The following C8orf34 variants were observed in gnomAD, a reference collection of about 807,000 sequenced individuals.
C8orf34 encodes chromosome 8 open reading frame 34.
Under a neutral mutation model 68.3 loss-of-function variants are expected in C8orf34, and 65 were observed. That is an observed-to-expected ratio of 0.95 (90% CI 0.78 to 1.17). The LOEUF (loss-of-function observed/expected upper bound fraction) is 1.17. C8orf34 is among the 50% of genes most tolerant of loss of function. C8orf34 has a pLI of 0.00. For missense variants in C8orf34, 664 were observed against 655.4 expected, an observed-to-expected ratio of 1.01 and a Z score of -0.14; for synonymous variants, 244 against 241.2, an observed-to-expected ratio of 1.01 and a Z score of -0.11.
chr8:68,535,699 C>T (rs1245619189), intron 7 of C8orf34: 1 of 814,692 alleles, frequency 1.2e-6, no homozygotes, highest in South Asian at 5.7e-5. Context: ...TATAGTACAA[C>T]ACCTGTAATT....
intron 5 of C8orf34, among the ~76,000 whole-genome samples, chr8:68,489,148 T>C (rs1813203888): frequency 6.6e-6 from 1 of 152,224 alleles, no homozygotes; most frequent in South Asian, 2.1e-4. Context: ...AACTGCTACA[T>C]TTTCATATCT....
At chr8:68,517,205 C>A (rs1814556893) in intron 5 of C8orf34, among the ~76,000 whole-genome samples, 1 of 152,148 alleles carries the variant, frequency 6.6e-6, no homozygotes, top group Admixed American at 6.5e-5. Context: ...CTGCTGTCTT[C>A]ACTAAAACCC....
At chr8:68,466,008 G>A (rs1033739373) in intron 3 of C8orf34, among the ~76,000 whole-genome samples, 1 of 145,478 alleles carries the variant, frequency 6.9e-6, no homozygotes, top group Non-Finnish European at 1.5e-5. Context: ...AAAATTTGGT[G>A]CGTATACACA....
At chr8:68,755,799 C>T (rs1049987183) in intron 10 of C8orf34, among the ~76,000 whole-genome samples, 13 of 152,026 alleles carry the variant, frequency 8.6e-5, no homozygotes, top group Admixed American at 2.6e-4. Context: ...CGGTGGCTCA[C>T]GCCTGTAATC....
At chr8:68,657,000 C>A (rs1819527749) in intron 8 of C8orf34, among the ~76,000 whole-genome samples, 1 of 152,056 alleles carries the variant, frequency 6.6e-6, no homozygotes, top group Non-Finnish European at 1.5e-5. Context: ...TAATTTTGTC[C>A]TGATGTATTT....
chr8:68,521,866 A>G lies in C8orf34; in HGVS notation c.833A>G (p.Glu278Gly). ...ATTGGAGAATGGATTGGTAGAGAAG[A>G]AAATGATGCTGATCCCCTAGCTGCT... ...RVIGEWIGRE[E>G]NDADPLAAEM... Residue 278 changes from glutamate to glycine, a missense_variant, in exon 6 of 14, where the codon GAA becomes GGA. Coordinates refer to ENST00000518698, the MANE Select transcript of C8orf34 (RefSeq NM_052958.4). The G allele has an allele frequency of 6.2e-7, 1 of 1,614,110 alleles. No individual in the cohort carries two copies. The highest frequency in any genetic ancestry group is 8.5e-7 in the Non-Finnish European group (1 of 1,179,982).
At chr8:68,367,926 A>AAAAAAAAAAAAAAAAAAAAAAAC (rs1807374593) in intron 1 of C8orf34, among the ~76,000 whole-genome samples, 1 of 147,556 alleles carries the variant, frequency 6.8e-6, no homozygotes, top group Non-Finnish European at 1.5e-5. Context: ...AAAAAAAAAA[A>AAAAAAAAAAAAAAAAAAAAAAAC]AAAAAAAAAA....
intron 1 of C8orf34, among the ~76,000 whole-genome samples, chr8:68,347,182 T>C (rs1251513583): frequency 6.6e-6 from 1 of 152,036 alleles, no homozygotes; most frequent in East Asian, 1.9e-4. Flanking sequence ...TCTTATTATT[T>C]AGCTCCCACT....
At position 68,614,406 on chromosome 8, in the gene C8orf34, G is replaced by A. The variant is rs1481304669; in HGVS notation, c.1106-25970G>A. Among the ~76,000 whole-genome samples the A allele has an allele frequency of 2.6e-5, 4 of 152,154 alleles. No individual in the cohort carries two copies. In the East Asian group the frequency reaches 7.7e-4, roughly 29 times the overall value. ...TGGTAATGCCTAGGTTTTCTTCTAGGGTTTTTATGGTTTTAGGACTAACAT... is the reference window on the plus strand; with the variant it reads ...TGGTAATGCCTAGGTTTTCTTCTAGAGTTTTTATGGTTTTAGGACTAACAT... On this transcript the variant is annotated intron_variant, in intron 7 of 13. Coordinates refer to ENST00000518698, the MANE Select transcript of C8orf34 (RefSeq NM_052958.4).
At chr8:68,680,136 A>G (rs910557727) in intron 8 of C8orf34, among the ~76,000 whole-genome samples, 3 of 152,186 alleles carry the variant, frequency 2.0e-5, no homozygotes, top group African/African-American at 7.2e-5. Flanking sequence ...GTGAAGAGAA[A>G]ACCCACAGAA....
chr8:68,687,247 A>G (rs1000044233), intron 8 of C8orf34, among the ~76,000 whole-genome samples: 2 of 152,074 alleles, frequency 1.3e-5, no homozygotes, highest in Non-Finnish European at 2.9e-5. Flanking sequence ...TTTTCATAGA[A>G]CTAGAATAAA....
chr8:68,651,483 G>A (rs989669326), intron 8 of C8orf34, among the ~76,000 whole-genome samples: 3 of 152,150 alleles, frequency 2.0e-5, no homozygotes, highest in African/African-American at 7.2e-5. Flanking sequence ...TGTGATATGT[G>A]GAAGAGAAAT....
At chr8:68,379,118 A>G (rs1807927312) in intron 1 of C8orf34, among the ~76,000 whole-genome samples, 1 of 152,246 alleles carries the variant, frequency 6.6e-6, no homozygotes, top group African/African-American at 2.4e-5. Flanking sequence ...CATTACTTAT[A>G]TTAATAAACT....
rs1047269269 is a variant in C8orf34, at chr8:68,439,659, T to C, written c.475+13T>C. Reference sequence around the variant, plus strand: ...AGTGAAAAATCAGGTAAATGAAGAATGTCTATGCAGTTAATTTGGGATTCA... The same window carrying C: ...AGTGAAAAATCAGGTAAATGAAGAACGTCTATGCAGTTAATTTGGGATTCA... On this transcript the variant is annotated intron_variant, in intron 2 of 13. Transcript: ENST00000518698. 3 of 1,600,016 alleles carry C rather than the reference T, an allele frequency of 1.9e-6. No individual in the cohort carries two copies. The highest frequency in any genetic ancestry group is 2.7e-5 in the African/African-American group (2 of 74,004).
intron 1 of C8orf34, among the ~76,000 whole-genome samples, chr8:68,336,527 G>C (rs774360673): frequency 4.6e-5 from 7 of 152,116 alleles, no homozygotes; most frequent in Non-Finnish European, 8.8e-5. Context: ...GGAGGTGTTG[G>C]TGTGATCTCA....
intron 3 of C8orf34, among the ~76,000 whole-genome samples, chr8:68,459,937 C>T (rs1316359704): frequency 5.9e-5 from 9 of 152,218 alleles, no homozygotes; most frequent in East Asian, 1.9e-4. Context: ...AGACAGTGGG[C>T]GCAGGACAGT....
At chr8:68,804,418 AAT>A (rs1028387262) in intron 12 of C8orf34, among the ~76,000 whole-genome samples, 1 of 152,218 alleles carries the variant, frequency 6.6e-6, no homozygotes, top group Non-Finnish European at 1.5e-5. Flanking sequence ...GAAGAAATAT[AAT>A]ATTATTTTCA....
chr8:68,451,572 C>G (rs996535865), intron 3 of C8orf34, among the ~76,000 whole-genome samples: 1 of 151,950 alleles, frequency 6.6e-6, no homozygotes, highest in African/African-American at 2.4e-5. Flanking sequence ...AATAGGGAAG[C>G]CCAAGGTGAA....
chr8:68,556,747 C>T (rs1816268144), intron 7 of C8orf34, among the ~76,000 whole-genome samples: 2 of 152,080 alleles, frequency 1.3e-5, no homozygotes, highest in Admixed American at 1.3e-4. Flanking sequence ...CTGCAAAGTT[C>T]TTGTGGATTT....
Sources: allele counts gnomAD v4.1 joint callset (sites outside exome capture counted in the v4.1 genomes callset), GRCh38; gene constraint gnomAD v4.1.1; transcripts MANE v1.5; gene names NCBI Gene and HGNC (gene_info 2026-07-23, HGNC 2026-07-21).